Variants in PRKCA observed in about 807,000 individuals in gnomAD.
The protein encoded by PRKCA is protein kinase C alpha, also known as protein kinase C alpha type.
In PRKCA, 27 loss-of-function variants were observed where a neutral mutation model predicts 87.0. The ratio of observed to expected loss-of-function variants is 0.31; its 90% CI spans 0.23 to 0.43. The LOEUF (loss-of-function observed/expected upper bound fraction) is 0.43. PRKCA is among the 20% of genes least tolerant of loss of function. The pLI is 1.00. For synonymous variants in PRKCA, 329 were observed against 311.1 expected, an observed-to-expected ratio of 1.06 and a Z score of -0.61; for missense variants, 518 against 852.3, an observed-to-expected ratio of 0.61 and a Z score of 4.88.
intron 10 of PRKCA, among the ~76,000 whole-genome samples, chr17:66,737,020 C>A (rs1192941541): frequency 6.6e-6 from 1 of 152,112 alleles, no homozygotes; most frequent in Non-Finnish European, 1.5e-5. Context: ...CATTCCAAAG[C>A]ACTAATCAGT....
intron 2 of PRKCA, among the ~76,000 whole-genome samples, chr17:66,477,988 G>A (rs1473885545): frequency 6.6e-6 from 1 of 152,170 alleles, no homozygotes; most frequent in Admixed American, 6.5e-5. Flanking sequence ...TACCCGAAAC[G>A]TGTCTCAATC....
At chr17:66,658,734 C>G (rs547607024) in intron 5 of PRKCA, among the ~76,000 whole-genome samples, 23 of 152,266 alleles carry the variant, frequency 1.5e-4, no homozygotes, top group African/African-American at 4.8e-4. Flanking sequence ...GAGTTTTACT[C>G]CAGTCACGTT....
intron 2 of PRKCA, among the ~76,000 whole-genome samples, chr17:66,314,362 T>G (rs1905202420): frequency 6.6e-6 from 1 of 152,200 alleles, no homozygotes. Flanking sequence ...GTGTTGGCTG[T>G]GTCTAGTAGA....
At chr17:66,491,079 C>G (rs540151211) in intron 2 of PRKCA, among the ~76,000 whole-genome samples, 1 of 152,186 alleles carries the variant, frequency 6.6e-6, no homozygotes, top group Non-Finnish European at 1.5e-5. Context: ...TTGGCCAAGT[C>G]TGTGGTCTTT....
chr17:66,803,824 G>A lies in PRKCA; in HGVS notation c.1855-49G>A, dbSNP rs771526151. ...AGAGGGCCCTCGGAGAGCTGCTCCC[G>A]CATTGTCATGTTGACTGACCTTTCC... On this transcript the variant is annotated intron_variant, in intron 16 of 16. Transcript: ENST00000413366. This position sits in a 1 kb window ranked among gnomAD's most constrained non-coding sequence, Gnocchi z 4.4. 2.8e-5 allele frequency: 45 copies of A among 1,595,370 alleles called. No homozygotes were observed. In the South Asian group the frequency reaches 3.2e-4, roughly 12 times the overall value.
At chr17:66,485,684 C>T (rs560055766) in intron 2 of PRKCA, among the ~76,000 whole-genome samples, 26 of 152,214 alleles carry the variant, frequency 1.7e-4, no homozygotes, top group African/African-American at 6.0e-4. Context: ...GGCAGACCTA[C>T]ATGCTTATAG....
rs190719075 is a variant in PRKCA, at chr17:66,353,584, C to T, written c.205+47457C>T. Among the ~76,000 whole-genome samples the T allele has an allele frequency of 1.6e-3, 245 of 152,248 alleles. 1 individual carries two copies. Among genetic ancestry groups the T allele is most frequent in the Admixed American group, 4.6e-3 (71 of 15,296 alleles). On this transcript the variant is annotated intron_variant, in intron 2 of 16. Transcript: ENST00000413366. ...TACAAAAATTAGCCGGGTGTGGTGGCCTGCTCCTGTAATCCCAGCTATTCA... is the reference window on the plus strand; with the variant it reads ...TACAAAAATTAGCCGGGTGTGGTGGTCTGCTCCTGTAATCCCAGCTATTCA...
At chr17:66,684,830 C>T (rs1972581568) in intron 5 of PRKCA, among the ~76,000 whole-genome samples, 1 of 152,206 alleles carries the variant, frequency 6.6e-6, no homozygotes, top group Admixed American at 6.5e-5. Context: ...CTGCAGCCTC[C>T]AGTATTAGAC....
At chr17:66,642,438 C>A (rs768445703) in intron 4 of PRKCA, among the ~76,000 whole-genome samples, 1 of 150,440 alleles carries the variant, frequency 6.6e-6, no homozygotes, top group Admixed American at 6.6e-5. Flanking sequence ...CTGCTTTGAT[C>A]GTTCTTAAAG....
intron 3 of PRKCA, among the ~76,000 whole-genome samples, chr17:66,580,606 C>T (rs780911963): frequency 2.8e-4 from 42 of 152,256 alleles, no homozygotes; most frequent in Admixed American, 2.4e-3. Flanking sequence ...GAAAGTTGTC[C>T]GTGTTTTTAT....
At chr17:66,333,436 T>C (rs907891791) in intron 2 of PRKCA, among the ~76,000 whole-genome samples, 2 of 152,266 alleles carry the variant, frequency 1.3e-5, no homozygotes, top group Admixed American at 1.3e-4. Flanking sequence ...CTAATTTGAA[T>C]AATGGGACTT....
intron 2 of PRKCA, among the ~76,000 whole-genome samples, chr17:66,335,019 G>T (rs1028503588): frequency 6.6e-6 from 1 of 152,158 alleles, no homozygotes; most frequent in Non-Finnish European, 1.5e-5. Context: ...CAAATGTATA[G>T]TTTCACTTAC....
chr17:66,364,455 G>A (rs2143497619), intron 2 of PRKCA: 2 of 152,268 alleles, frequency 1.3e-5, no homozygotes, highest in Middle Eastern at 6.8e-3. Flanking sequence ...AGGAATCAAG[G>A]AAGTAACATT....
Position 66,302,873 on chromosome 17 carries a change from A to C in PRKCA, c.22A>C (p.Asn8His). The C allele has an allele frequency of 6.7e-7, 1 of 1,490,110 alleles. No homozygotes were observed. The highest frequency in any genetic ancestry group is 9.1e-7 in the Non-Finnish European group (1 of 1,103,758). 92.3% of individuals were successfully genotyped at this position (1,490,110 alleles called of 1,614,324 possible). A position where few individuals can be genotyped will look rare whatever the true frequency, so the allele number is the denominator to read the frequency against. MADVFPG[N>H]DSTASQDVAN... ...GACCATGGCTGACGTTTTCCCGGGC[A>C]ACGACTCCACGGCGTCTCAGGACGT... The change falls in exon 1 of 17, where the codon AAC (asparagine) becomes CAC (histidine). Residue 8 changes from asparagine (N) to histidine (H), a missense_variant. Transcript: ENST00000413366.
intron 14 of PRKCA, among the ~76,000 whole-genome samples, chr17:66,780,970 G>A (rs983276282): frequency 1.3e-4 from 20 of 152,110 alleles, no homozygotes; most frequent in African/African-American, 3.9e-4. Flanking sequence ...TTAGCCAGGC[G>A]TGGTGACGTG....
intron 2 of PRKCA, among the ~76,000 whole-genome samples, chr17:66,423,743 G>T (rs1912623377): frequency 6.6e-6 from 1 of 152,128 alleles, no homozygotes; most frequent in South Asian, 2.1e-4. Context: ...AATATTTAAA[G>T]CACACTTATA....
At chr17:66,513,349 C>A (rs930156635) in intron 3 of PRKCA, among the ~76,000 whole-genome samples, 1 of 152,168 alleles carries the variant, frequency 6.6e-6, no homozygotes, top group Non-Finnish European at 1.5e-5. Flanking sequence ...AGCCTGAGAC[C>A]TGCCGTGTGA....
chr17:66,628,563 C>T (rs1970922366), intron 3 of PRKCA, among the ~76,000 whole-genome samples: 1 of 152,112 alleles, frequency 6.6e-6, no homozygotes, highest in South Asian at 2.1e-4. Context: ...CTTCTTTCTA[C>T]TTAACTACCT....
chr17:66,648,008 A>G (rs894988869), intron 5 of PRKCA, among the ~76,000 whole-genome samples: 7 of 152,182 alleles, frequency 4.6e-5, no homozygotes, highest in African/African-American at 1.7e-4. Context: ...AATAATGGGA[A>G]TTGATGTATC....
Sources: gnomAD v4.1 joint callset for allele counts (sites outside exome capture counted in the v4.1 genomes callset) on GRCh38, gnomAD v4.1.1 for gene constraint, Gnocchi (gnomAD v3.1) non-coding constraint, MANE v1.5 for transcripts, NCBI Gene and HGNC (gene_info 2026-07-23, HGNC 2026-07-21) for gene names.